COL4A1: variants seen among roughly 807,000 people sequenced by gnomAD.
The protein encoded by COL4A1 is collagen alpha-1(IV) chain.
A neutral mutation model predicts 216.6 loss-of-function variants in COL4A1; 40 were observed. The ratio of observed to expected loss-of-function variants is 0.18; its 90% CI spans 0.14 to 0.24. COL4A1 has a LOEUF of 0.24. Ranked by LOEUF, COL4A1 falls within the 10% of genes least tolerant of loss-of-function variation. COL4A1 has a pLI of 1.00. For synonymous variants in COL4A1, 839 were observed against 810.7 expected, an observed-to-expected ratio of 1.03 and a Z score of -0.59; for missense variants, 1,628 against 2,196.8, an observed-to-expected ratio of 0.74 and a Z score of 5.18.
At chr13:110,301,630 G>A (rs561251089) in intron 1 of COL4A1, among the ~76,000 whole-genome samples, 69 of 152,170 alleles carry the variant, frequency 4.5e-4, no homozygotes, top group Non-Finnish European at 7.9e-4. Context: ...ACTCTGACTC[G>A]AGAGGGGATC....
chr13:110,209,629 C>T (rs535073750), intron 10 of COL4A1, among the ~76,000 whole-genome samples: 40 of 152,324 alleles, frequency 2.6e-4, no homozygotes, highest in African/African-American at 8.9e-4. Context: ...AATCCATCTC[C>T]CCTGCTCCCT....
chr13:110,205,338 A>G lies in COL4A1; in HGVS notation c.957+15T>C. On this transcript the variant is annotated intron_variant, in intron 17 of 51. Coordinates refer to ENST00000375820, the MANE Select transcript of COL4A1 (RefSeq NM_001845.6). ...GAAAGTGAAGATAAAGGCTCACAAT[A>G]GTGCCAGCGTTTACCTGCGGGCCCT... 6.2e-7 allele frequency: 1 copy of G among 1,614,014 alleles called. No homozygotes were observed. The highest frequency in any genetic ancestry group is 8.5e-7 in the Non-Finnish European group (1 of 1,179,956).
chr13:110,280,521 T>G (rs1204541319), intron 1 of COL4A1, among the ~76,000 whole-genome samples: 1 of 152,232 alleles, frequency 6.6e-6, no homozygotes, highest in East Asian at 1.9e-4. Context: ...AAAAAATGAA[T>G]TATATAGAAT....
chr13:110,174,689 T>C lies in COL4A1; in HGVS notation c.3259A>G (p.Ile1087Val), dbSNP rs1196842525. 1.2e-6 allele frequency: 2 copies of C among 1,613,862 alleles called. No homozygotes were observed. Among genetic ancestry groups the C allele is most frequent in the South Asian group, 1.1e-5 (1 of 91,080 alleles). ...SPGEKGEKGS[I>V]GIPGMPGSPG... ...GACCCTGGCATTCCTGGGATCCCAA[T>C]GCTTCCTTTTTCTCCCTTCTCTCCA... The change falls in exon 38 of 52, where the codon ATT becomes GTT. Residue 1087 changes from isoleucine to valine, a missense_variant. Coordinates refer to ENST00000375820, the MANE Select transcript of COL4A1 (RefSeq NM_001845.6).
At chr13:110,219,930 G>GTGTGTATATATATGTGTA (rs1566386263) in intron 2 of COL4A1, among the ~76,000 whole-genome samples, 1 of 113,532 alleles carries the variant, frequency 8.8e-6, no homozygotes, top group African/African-American at 3.4e-5. Flanking sequence ...ATATATGTAT[G>GTGTGTATATATATGTGTA]TATATGTGTG....
At chr13:110,295,141 T>C (rs1469455924) in intron 1 of COL4A1, among the ~76,000 whole-genome samples, 1 of 152,204 alleles carries the variant, frequency 6.6e-6, no homozygotes, top group African/African-American at 2.4e-5. Context: ...CAGAAGACTT[T>C]ATGAAGTTGT....
chr13:110,200,759 A>G, intron 20 of COL4A1, 95 bp downstream of exon 20: 1 of 1,315,526 alleles, frequency 7.6e-7, no homozygotes, highest in African/African-American at 1.4e-5. Flanking sequence ...GATTGTGTGC[A>G]AATATCTAAC....
rs73611415 is a variant in COL4A1, at chr13:110,181,658, T to C, written c.2096-269A>G. On this transcript the variant is annotated intron_variant, in intron 28 of 51. Transcript: ENST00000375820. ...GCTCTCTTCAAACTTTTCTTTCCCA[T>C]CCTACTCTCCCCAAACAAAACAAAT... Among the ~76,000 whole-genome samples the C allele has an allele frequency of 0.037, 5,674 of 152,140 alleles. 342 individuals carry two copies. The highest frequency in any genetic ancestry group is 0.13 in the African/African-American group (5,442 of 41,480).
chr13:110,160,335 G>C (rs1043596527), intron 49 of COL4A1, among the ~76,000 whole-genome samples: 2 of 81,136 alleles, frequency 2.5e-5, no homozygotes, highest in East Asian at 1.3e-3. Flanking sequence ...CCAGCTACTC[G>C]GGAGGCTGAG....
At chr13:110,196,770 A>C (rs2139185087) in intron 21 of COL4A1, among the ~76,000 whole-genome samples, 1 of 152,354 alleles carries the variant, frequency 6.6e-6, no homozygotes, top group Non-Finnish European at 1.5e-5. Flanking sequence ...GGCTGTACCC[A>C]CTTGAGACAA....
chr13:110,191,841 G>A (rs7330851), intron 24 of COL4A1, among the ~76,000 whole-genome samples: 34,242 of 152,174 alleles, frequency 0.23, 4,216 homozygotes, highest in Admixed American at 0.29. Context: ...ACAGAAAGAC[G>A]GCACTTCGGC....
intron 2 of COL4A1, among the ~76,000 whole-genome samples, chr13:110,229,665 G>A (rs892147240): frequency 1.3e-5 from 2 of 152,172 alleles, no homozygotes; most frequent in Admixed American, 1.3e-4. Context: ...AAAGACCCCA[G>A]AGAGAGCCCC....
chr13:110,177,760 G>A (rs1384789498), intron 33 of COL4A1, 82 bp downstream of exon 33: 2 of 1,429,470 alleles, frequency 1.4e-6, no homozygotes, highest in Non-Finnish European at 2.0e-6. Context: ...AGGGAAATAT[G>A]ATCTATGACA....
chr13:110,263,683 A>T (rs1294451717), intron 1 of COL4A1, among the ~76,000 whole-genome samples: 4 of 152,194 alleles, frequency 2.6e-5, no homozygotes, highest in Non-Finnish European at 4.4e-5. Context: ...GAAAAAGTAG[A>T]TTTTGCCTCT....
In COL4A1 at chr13:110,178,059, C is replaced by A; in HGVS notation, c.2626+5G>T. On this transcript the variant is annotated splice_donor_5th_base_variant and intron_variant, in intron 32 of 51. Coordinates refer to ENST00000375820, the MANE Select transcript of COL4A1 (RefSeq NM_001845.6). ...GATCCAGGCAGAAGTTCAAAAATCA[C>A]TTACCTGGAAACCCAGGAATCCCAG... 1 of 1,614,182 alleles carries A rather than the reference C, an allele frequency of 6.2e-7. No homozygotes were observed. Among genetic ancestry groups the A allele is most frequent in the Non-Finnish European group, 8.5e-7 (1 of 1,180,046 alleles).
At position 110,252,572 on chromosome 13, in the gene COL4A1, TG is replaced by T. The variant is rs1457361978; in HGVS notation, c.85-9839del. Among the ~76,000 whole-genome samples, 36 of 50,520 alleles carry T rather than the reference TG, an allele frequency of 7.1e-4. 12 individuals are homozygous for T. Among genetic ancestry groups the T allele is most frequent in the Admixed American group, 2.3e-3 (8 of 3,496 alleles). 33.1% of individuals were successfully genotyped at this position (50,520 alleles called of 152,430 possible). On this transcript the variant is annotated intron_variant, in intron 1 of 51. Transcript: ENST00000375820. ...ATATACGTATAATTATACGTATATATGTATTATATACGTATAATTATACGTA... is the reference window on the plus strand; with the variant it reads ...ATATACGTATAATTATACGTATATATTATTATATACGTATAATTATACGTA...
chr13:110,201,346 G>GGAGGGGGAGGGGGA lies in COL4A1; in HGVS notation c.1084+91_1084+92insTCCCCCTCCCCCTC, dbSNP rs1566369935. ...GAGGAGGAAGGAGGAGGAGGAACAGGAGGAGGAGGAGGAAGAGGACGAGGA... is the reference window on the plus strand; with the variant it reads ...GAGGAGGAAGGAGGAGGAGGAACAGGGAGGGGGAGGGGGAAGGAGGAGGAGGAAGAGGACGAGGA... On this transcript the variant is annotated intron_variant, in intron 19 of 51. Transcript: ENST00000375820. 1.2e-5 allele frequency: 8 copies of GGAGGGGGAGGGGGA among 691,878 alleles called. No homozygotes were observed. In the African/African-American group the frequency reaches 1.6e-4, roughly 14 times the overall value. The allele number at this position is 691,878 out of a possible 1,614,324, so 42.9% of individuals were successfully genotyped here. A position where few individuals can be genotyped will look rare whatever the true frequency, so the allele number is the denominator to read the frequency against.
intron 2 of COL4A1, among the ~76,000 whole-genome samples, chr13:110,226,733 C>A (rs1470438378): frequency 2.0e-5 from 3 of 152,214 alleles, no homozygotes; most frequent in African/African-American, 7.2e-5. Flanking sequence ...ATTTTAATCT[C>A]TTTTAAGTAA....
intron 1 of COL4A1, among the ~76,000 whole-genome samples, chr13:110,243,913 A>G (rs1026453650): frequency 6.6e-6 from 1 of 152,236 alleles, no homozygotes; most frequent in Non-Finnish European, 1.5e-5. Flanking sequence ...ATCACATGAA[A>G]AGATAGAAAT....
Sources: gnomAD v4.1 joint callset for allele counts (sites outside exome capture counted in the v4.1 genomes callset) on GRCh38, gnomAD v4.1.1 for gene constraint, MANE v1.5 for transcripts, NCBI Gene and HGNC (gene_info 2026-07-23, HGNC 2026-07-21) for gene names.